NOTCH2: variants seen among roughly 807,000 people sequenced by gnomAD.
The protein encoded by NOTCH2 is neurogenic locus notch homolog protein 2.
A neutral mutation model predicts 235.8 loss-of-function variants in NOTCH2; 29 were observed. The observed-to-expected ratio is 0.12, with a 90% CI of 0.09 to 0.17. The LOEUF (loss-of-function observed/expected upper bound fraction) is 0.17. Among genes scored for constraint, NOTCH2 ranks in the 10% least tolerant of loss-of-function variants. NOTCH2 has a pLI of 1.00. For missense variants in NOTCH2, 2,285 were observed against 3,150.2 expected, an observed-to-expected ratio of 0.73 and a Z score of 6.57; for synonymous variants, 1,086 against 1,141.5, an observed-to-expected ratio of 0.95 and a Z score of 0.98.
At chr1:120,012,967 CTAGCAACAG>C (rs1557846124) in intron 2 of NOTCH2, among the ~76,000 whole-genome samples, 1 of 141,766 alleles carries the variant, frequency 7.1e-6, no homozygotes, top group African/African-American at 2.7e-5. Flanking sequence ...TGCTCAGAAA[CTAGCAACAG>C]TATTAATACC....
Position 119,914,041 on chromosome 1 carries a change from G to A in NOTCH2, c.*1265C>T, listed in dbSNP as rs1329044954. ...AGGCCTTTAAGCAGCAAGATAATCAGTAGAGACTGATCATCTGACAAACGG... is the reference window on the plus strand; with the variant it reads ...AGGCCTTTAAGCAGCAAGATAATCAATAGAGACTGATCATCTGACAAACGG... On this transcript the variant is annotated 3_prime_UTR_variant, in exon 34 of 34. Transcript: ENST00000256646. 4.3e-6 allele frequency: 1 copy of A among 233,078 alleles called. No individual in the cohort carries two copies. The highest frequency in any genetic ancestry group is 6.0e-5 in the East Asian group (1 of 16,582). 14.4% of individuals were successfully genotyped at this position (233,078 alleles called of 1,614,324 possible). A position where few individuals can be genotyped will look rare whatever the true frequency, so the allele number is the denominator to read the frequency against.
At chr1:120,029,341 T>G (rs868963308) in intron 2 of NOTCH2, among the ~76,000 whole-genome samples, 3 of 151,780 alleles carry the variant, frequency 2.0e-5, no homozygotes, top group Non-Finnish European at 4.4e-5. Context: ...TAATATATAT[T>G]TTTTTATATT....
At chr1:119,922,868 A>G (rs2101156944) in intron 26 of NOTCH2, 90 bp from the exon 27 acceptor site, 1 of 1,522,092 alleles carries the variant, frequency 6.6e-7, no homozygotes, top group Non-Finnish European at 9.1e-7. Context: ...AAAGGGTGAC[A>G]GGAGCCTCCC....
Position 119,965,463 on chromosome 1 carries a change from C to T in NOTCH2, c.1671G>A (p.Gln557=). The T allele has an allele frequency of 6.2e-7, 1 of 1,612,830 alleles. No homozygotes were observed. The highest frequency in any genetic ancestry group is 8.5e-7 in the Non-Finnish European group (1 of 1,178,804). ...CIDHPNGYEC[Q]CATGFTGVLC... Reference sequence around the variant, plus strand: ...TGAGAAGAATCTTACCTGTGGCACACTGGCATTCATAGCCATTCGGGTGAT... The same window carrying T: ...TGAGAAGAATCTTACCTGTGGCACATTGGCATTCATAGCCATTCGGGTGAT... The change falls in exon 10 of 34, where the codon CAG becomes CAA. Residue 557 remains glutamine (Q), a synonymous_variant. Transcript: ENST00000256646.
Position 119,959,467 on chromosome 1 carries a change from T to C in NOTCH2, c.1951A>G (p.Ser651Gly). 6.2e-7 allele frequency: 1 copy of C among 1,609,678 alleles called. No individual in the cohort carries two copies. Among genetic ancestry groups the C allele is most frequent in the Non-Finnish European group, 8.5e-7 (1 of 1,175,932 alleles). Residue 651 changes from serine to glycine, a missense_variant, in exon 12 of 34, where the codon AGT (serine) becomes GGT (glycine). Ser to Gly is a moderately conservative substitution (Grantham distance 56, BLOSUM62 0). Transcript: ENST00000256646. ...NCEINFDDCA[S>G]NPCIHGICMD... ...CAGATTCCATGGATACAAGGGTTAC[T>C]TGCACAGTCATCAAAATTAATTTCA...
At chr1:120,060,394 C>T (rs1655268510) in intron 1 of NOTCH2, among the ~76,000 whole-genome samples, 1 of 146,514 alleles carries the variant, frequency 6.8e-6, no homozygotes, top group Admixed American at 6.8e-5. Flanking sequence ...CTAGTGTTGA[C>T]AATAGTATAT....
intron 3 of NOTCH2, among the ~76,000 whole-genome samples, chr1:120,001,770 T>C (rs1553205422): frequency 6.6e-6 from 1 of 152,204 alleles, no homozygotes. Context: ...CCTTATCCAC[T>C]GTCATGGTAT....
Position 120,069,349 on chromosome 1 carries a change from C to G in NOTCH2, c.58G>C (p.Ala20Pro), listed in dbSNP as rs1553217914. The change falls in exon 1 of 34, where the codon GCG becomes CCG. Residue 20 changes from alanine to proline, a missense_variant. Coordinates refer to ENST00000256646, the MANE Select transcript of NOTCH2 (RefSeq NM_024408.4). Reference sequence around the variant, plus strand: ...CGATACTCACCATGCGCGGGGGCCGCGCAGCACAGCCAGAGCGCCAGCAGC... The same window carrying G: ...CGATACTCACCATGCGCGGGGGCCGGGCAGCACAGCCAGAGCGCCAGCAGC... ...WALLALWLCC[A>P]APAHALQCRD... 6.4e-7 allele frequency: 1 copy of G among 1,570,806 alleles called. No individual in the cohort carries two copies. Among genetic ancestry groups the G allele is most frequent in the South Asian group, 1.1e-5 (1 of 87,638 alleles).
At position 119,921,747 on chromosome 1, in the gene NOTCH2, A is replaced by G. The variant is rs373166152; in HGVS notation, c.5276T>C (p.Val1759Ala). 9.9e-5 allele frequency: 160 copies of G among 1,614,048 alleles called. No homozygotes were observed. The highest frequency in any genetic ancestry group is 3.3e-4 in the Middle Eastern group (2 of 6,084). ...CTTTGGCTGGGGCCCTTCATCATCGACCCAGTGTTCACTTGTTCCAGTACC... is the reference window on the plus strand; with the variant it reads ...CTTTGGCTGGGGCCCTTCATCATCGGCCCAGTGTTCACTTGTTCCAGTACC... ...LIGTGTSEHW[V>A]DDEGPQPKKV... is the part of the protein sequence containing the mutation. Residue 1759 changes from valine (V) to alanine (A), a missense_variant, in exon 29 of 34, where the codon GTC becomes GCC. Val to Ala is a moderately conservative substitution (Grantham distance 64). Transcript: ENST00000256646.
At chr1:119,978,953 C>A (rs1470354991) in intron 5 of NOTCH2, among the ~76,000 whole-genome samples, 1 of 152,150 alleles carries the variant, frequency 6.6e-6, no homozygotes, top group African/African-American at 2.4e-5. Flanking sequence ...GAATGTAATG[C>A]TTAAGATATT....
chr1:119,963,911 G>A, intron 10 of NOTCH2, 104 bp from the exon 11 acceptor site: 1 of 987,920 alleles, frequency 1.0e-6, no homozygotes. Context: ...TCGATGTGTG[G>A]TCAATTAATA....
At chr1:119,927,717 C>G (rs1395738077) in intron 23 of NOTCH2, among the ~76,000 whole-genome samples, 4 of 152,306 alleles carry the variant, frequency 2.6e-5, no homozygotes, top group African/African-American at 9.6e-5. Flanking sequence ...CTTTGGCTTT[C>G]AAAGTGCAGT....
chr1:119,999,629 C>T (rs1474029391), intron 3 of NOTCH2, among the ~76,000 whole-genome samples: 10 of 151,964 alleles, frequency 6.6e-5, no homozygotes, highest in Admixed American at 4.6e-4. Flanking sequence ...TGCCTGTAAT[C>T]CCAGCACTTT....
At chr1:120,028,902 G>A (rs1191798784) in intron 2 of NOTCH2, among the ~76,000 whole-genome samples, 9 of 151,214 alleles carry the variant, frequency 6.0e-5, no homozygotes, top group Non-Finnish European at 1.2e-4. Context: ...AATTGAGGCA[G>A]AAGAAAAAAA....
At chr1:119,988,928 C>T (rs1308526445) in intron 4 of NOTCH2, among the ~76,000 whole-genome samples, 7 of 152,150 alleles carry the variant, frequency 4.6e-5, no homozygotes, top group Admixed American at 3.9e-4. Flanking sequence ...ATTCACCAAC[C>T]ACAGACAAGA....
At chr1:120,038,271 C>T (rs1432074505) in intron 1 of NOTCH2, among the ~76,000 whole-genome samples, 3 of 151,314 alleles carry the variant, frequency 2.0e-5, no homozygotes, top group African/African-American at 7.3e-5. Flanking sequence ...TAGGATGTAG[C>T]CAATTTGCTA....
intron 19 of NOTCH2, among the ~76,000 whole-genome samples, 164 bp downstream of exon 19, chr1:119,940,390 AT>A (rs587718365): frequency 3.3e-5 from 5 of 152,326 alleles, no homozygotes; most frequent in Admixed American, 2.6e-4. Context: ...TGCCAGCACC[AT>A]TTTGGAATCT....
intron 1 of NOTCH2, among the ~76,000 whole-genome samples, chr1:120,037,879 C>A (rs1205020000): frequency 1.3e-5 from 2 of 151,786 alleles, no homozygotes; most frequent in Non-Finnish European, 2.9e-5. Context: ...TGAAAATATA[C>A]CTTAAGAAAA....
In NOTCH2 at chr1:119,997,043, G is replaced by T. The variant is rs782001886; in HGVS notation, c.705C>A (p.Thr235=). 3.7e-6 allele frequency: 6 copies of T among 1,613,904 alleles called. No homozygotes were observed. The African/African-American group carries it at 8.0e-5, about 22-fold the overall frequency. ...AAGTGAAGTCACCAGTCTGCCGACA[G>T]GTGCCTCCATTGACACAAGGTGAGG... is the stretch of plus-strand genomic sequence containing the variant. The part of the protein sequence containing the change: ...CAPSPCVNGG[T]CRQTGDFTFE... The change falls in exon 4 of 34, where the codon ACC becomes ACA. Residue 235 remains threonine, a synonymous_variant. Coordinates refer to ENST00000256646, the MANE Select transcript of NOTCH2 (RefSeq NM_024408.4).
Sources: gnomAD v4.1 joint callset for allele counts (sites outside exome capture counted in the v4.1 genomes callset) on GRCh38, gnomAD v4.1.1 for gene constraint, MANE v1.5 for transcripts, NCBI Gene and HGNC (gene_info 2026-07-23, HGNC 2026-07-21) for gene names.